Variants in DENND5B observed in about 807,000 individuals in gnomAD.
The protein encoded by DENND5B is DENN domain containing 5B.
A neutral mutation model predicts 140.6 loss-of-function variants in DENND5B; 34 were observed. The ratio of observed to expected loss-of-function variants is 0.24; its 90% confidence interval spans 0.18 to 0.32. The LOEUF (loss-of-function observed/expected upper bound fraction) is 0.32. Among genes scored for constraint, DENND5B ranks in the 10% least tolerant of loss-of-function variants. The probability of loss-of-function intolerance (pLI) is 1.00; values close to 1 mark genes in which losing one functional copy is unlikely to be tolerated. For missense variants in DENND5B, 1,142 were observed against 1,560.2 expected (o/e 0.73, Z 4.52); for synonymous variants, 551 against 562.1 (o/e 0.98, Z 0.28).
At chr12:31,496,692 C>T (rs1421624571) in intron 1 of DENND5B, among the ~76,000 whole-genome samples, 1 of 151,862 alleles carries the variant, frequency 6.6e-6, no homozygotes, top group Non-Finnish European at 1.5e-5. Flanking sequence ...GGTGAGACCC[C>T]GTTTCTTTTC....
chr12:31,479,102 C>T (rs1591879141), intron 3 of DENND5B, among the ~76,000 whole-genome samples: 1 of 152,092 alleles, frequency 6.6e-6, no homozygotes, highest in East Asian at 1.9e-4. Context: ...TGAAATGCTC[C>T]CACAGGCAAA....
chr12:31,435,330 T>C (rs1367795530), intron 7 of DENND5B, among the ~76,000 whole-genome samples: 1 of 152,018 alleles, frequency 6.6e-6, no homozygotes, highest in Admixed American at 6.6e-5. Context: ...TCATCTTTCT[T>C]CTAATCTCAA....
chr12:31,392,551 T>C, intron 18 of DENND5B, 63 bp downstream of exon 18: 1 of 1,527,380 alleles, frequency 6.5e-7, no homozygotes, highest in Non-Finnish European at 8.8e-7. Flanking sequence ...TATTGCCTCG[T>C]GTATCACATA....
At chr12:31,454,142 C>CAA (rs372795117) in intron 4 of DENND5B, among the ~76,000 whole-genome samples, 5,295 of 96,308 alleles carry the variant, frequency 0.055, 224 homozygotes, top group East Asian at 0.25. Context: ...AGACTTTGGC[C>CAA]AAAAAAAAAA....
At chr12:31,574,711 T>C (rs932010165) in intron 1 of DENND5B, among the ~76,000 whole-genome samples, 2 of 152,218 alleles carry the variant, frequency 1.3e-5, no homozygotes, top group Non-Finnish European at 2.9e-5. Flanking sequence ...ACTTTAATTA[T>C]TTCCCCATTG....
At chr12:31,550,123 T>A (rs181064345) in intron 1 of DENND5B, among the ~76,000 whole-genome samples, 201 of 152,038 alleles carry the variant, frequency 1.3e-3, no homozygotes, top group African/African-American at 4.8e-3. Flanking sequence ...TGCAAGTTTC[T>A]TACATATGTA....
At chr12:31,439,137 A>G (rs1350800433) in intron 7 of DENND5B, among the ~76,000 whole-genome samples, 1 of 152,228 alleles carries the variant, frequency 6.6e-6, no homozygotes, top group Non-Finnish European at 1.5e-5. Context: ...AATTTTACCA[A>G]TGATAATCAC....
chr12:31,500,543 G>A (rs1343427675), intron 1 of DENND5B: 1 of 334,972 alleles, frequency 3.0e-6, no homozygotes, highest in Non-Finnish European at 5.7e-6. Flanking sequence ...AGCTGGGCAT[G>A]GTGGTGGGTG....
intron 8 of DENND5B, among the ~76,000 whole-genome samples, chr12:31,431,857 CACAA>C (rs764556071): frequency 5.9e-5 from 9 of 152,050 alleles, no homozygotes; most frequent in Non-Finnish European, 1.2e-4. Context: ...TATTAGCACA[CACAA>C]ACACAGAAAG....
chr12:31,489,108 A>C (rs1482458888), intron 2 of DENND5B, among the ~76,000 whole-genome samples: 2 of 152,044 alleles, frequency 1.3e-5, no homozygotes, highest in Non-Finnish European at 1.5e-5. Flanking sequence ...GTATAACCAC[A>C]CTCTGGTCAA....
At chr12:31,575,629 T>C (rs1949984180) in intron 1 of DENND5B, among the ~76,000 whole-genome samples, 1 of 151,958 alleles carries the variant, frequency 6.6e-6, no homozygotes, top group South Asian at 2.1e-4. Flanking sequence ...AAATAAAAGG[T>C]ACTAAACCCG....
intron 8 of DENND5B, among the ~76,000 whole-genome samples, chr12:31,427,465 G>A (rs979056050): frequency 3.3e-5 from 5 of 151,898 alleles, no homozygotes; most frequent in African/African-American, 7.3e-5. Flanking sequence ...AATTAGCCAC[G>A]CGTGGTGGTG....
rs575915937 is a variant in DENND5B, at chr12:31,468,889, A to C, written c.905-8508T>G. ...AATAATTGGGGGAAAAAGAGAATGC[A>C]CAAACAGTATTAGGAATGAAAAGGA... On this transcript the variant is annotated intron_variant, in intron 3 of 20. Transcript: ENST00000389082. Among the ~76,000 whole-genome samples the C allele has an allele frequency of 2.0e-5, 3 of 152,318 alleles. No individual in the cohort carries two copies. In the East Asian group the frequency reaches 5.8e-4, roughly 29 times the overall value.
chr12:31,589,074 T>A (rs1174150835), intron 1 of DENND5B, among the ~76,000 whole-genome samples: 1 of 152,200 alleles, frequency 6.6e-6, no homozygotes, highest in Non-Finnish European at 1.5e-5. Context: ...AAGGTACAGT[T>A]TTAGCTTCAG....
chr12:31,582,663 G>A (rs974022863), intron 1 of DENND5B, among the ~76,000 whole-genome samples: 2 of 152,180 alleles, frequency 1.3e-5, no homozygotes, highest in African/African-American at 4.8e-5. Context: ...GCATGCAAGA[G>A]AAATTACTAG....
chr12:31,535,407 GAGACACACAC>G (rs1948453425), intron 1 of DENND5B, among the ~76,000 whole-genome samples: 1 of 151,696 alleles, frequency 6.6e-6, no homozygotes, highest in Non-Finnish European at 1.5e-5. Context: ...GAGAGAGAGA[GAGACACACAC>G]ACACACACAC....
chr12:31,558,332 C>T (rs79176235), intron 1 of DENND5B, among the ~76,000 whole-genome samples: 1,724 of 152,122 alleles, frequency 0.011, 19 homozygotes, highest in East Asian at 0.032. Context: ...TGGTGACTCT[C>T]CACAATGACA....
At chr12:31,521,477 G>A (rs942011933) in intron 1 of DENND5B, among the ~76,000 whole-genome samples, 4 of 152,098 alleles carry the variant, frequency 2.6e-5, no homozygotes, top group African/African-American at 9.7e-5. Context: ...TATTTTTGTA[G>A]ACTGAACTGT....
intron 3 of DENND5B, among the ~76,000 whole-genome samples, chr12:31,473,507 C>T (rs149017985): frequency 9.2e-5 from 14 of 152,230 alleles, no homozygotes; most frequent in Admixed American, 4.6e-4. Context: ...CCTGAGCTCA[C>T]GCAGTGTAGA....
Sources: allele counts gnomAD v4.1 joint callset (sites outside exome capture counted in the v4.1 genomes callset), GRCh38; gene constraint gnomAD v4.1.1; transcripts MANE v1.5; gene names NCBI Gene and HGNC (gene_info 2026-07-23, HGNC 2026-07-21).